NPAS3: variants seen among roughly 807,000 people sequenced by gnomAD.
NPAS3 encodes neuronal PAS domain protein 3, also known as neuronal PAS domain-containing protein 3.
A neutral mutation model predicts 73.1 loss-of-function variants in NPAS3; 14 were observed. The ratio of observed to expected loss-of-function variants is 0.19; its 90% CI spans 0.13 to 0.30. The LOEUF (loss-of-function observed/expected upper bound fraction) is 0.30. NPAS3 is among the 10% of genes least tolerant of loss of function. The probability of loss-of-function intolerance (pLI) is 1.00; values close to 1 mark genes in which losing one functional copy is unlikely to be tolerated. For synonymous variants in NPAS3, 620 were observed against 541.5 expected (o/e 1.14, Z -2.01); for missense variants, 1,096 against 1,250.0 (o/e 0.88, Z 1.86).
At chr14:33,174,550 T>G (rs989801316) in intron 2 of NPAS3, among the ~76,000 whole-genome samples, 5 of 152,230 alleles carry the variant, frequency 3.3e-5, no homozygotes, top group African/African-American at 1.2e-4. Flanking sequence ...CATTTTAACA[T>G]GTGGGTCCAG....
chr14:33,535,917 C>T (rs1283904405), intron 4 of NPAS3, among the ~76,000 whole-genome samples: 1 of 152,134 alleles, frequency 6.6e-6, no homozygotes, highest in Non-Finnish European at 1.5e-5. Flanking sequence ...CTGCCCTATC[C>T]CTCTGTGACT....
chr14:32,962,569 C>CTTTTTTTTTTTTTTTTTTTTTTTTTTTT (rs71432096), intron 1 of NPAS3, among the ~76,000 whole-genome samples: 7 of 110,610 alleles, frequency 6.3e-5, no homozygotes, highest in Non-Finnish European at 1.1e-4. Context: ...TTTTTCTTTT[C>CTTTTTTTTTTTTTTTTTTTTTTTTTTTT]TTTTTTTTTT....
At chr14:33,174,705 G>A (rs1170533772) in intron 2 of NPAS3, among the ~76,000 whole-genome samples, 1 of 152,134 alleles carries the variant, frequency 6.6e-6, no homozygotes, top group Non-Finnish European at 1.5e-5. Flanking sequence ...AGGCTAAATG[G>A]AGATTCTTGA....
intron 7 of NPAS3, among the ~76,000 whole-genome samples, chr14:33,740,088 T>C (rs1363256257): frequency 6.6e-6 from 1 of 152,204 alleles, no homozygotes; most frequent in Non-Finnish European, 1.5e-5. Context: ...AAGCTATTAA[T>C]AGTACCTAAA....
At chr14:33,579,382 C>A (rs1294175999) in intron 5 of NPAS3, among the ~76,000 whole-genome samples, 2 of 152,150 alleles carry the variant, frequency 1.3e-5, no homozygotes, top group African/African-American at 4.8e-5. Flanking sequence ...TTGGGATGGG[C>A]AGTTGAATGA....
chr14:33,339,998 T>A (rs191452806), intron 3 of NPAS3, among the ~76,000 whole-genome samples: 1 of 152,334 alleles, frequency 6.6e-6, no homozygotes, highest in Non-Finnish European at 1.5e-5. Context: ...GTTTAACTAT[T>A]TTCTTTCCAT....
chr14:33,328,693 G>A (rs994331020), intron 3 of NPAS3, among the ~76,000 whole-genome samples: 8 of 151,694 alleles, frequency 5.3e-5, no homozygotes, highest in Non-Finnish European at 8.8e-5. Flanking sequence ...TCCTGACCAC[G>A]TGATCCTCCC....
At chr14:33,145,134 T>C (rs552843218) in intron 2 of NPAS3, among the ~76,000 whole-genome samples, 1 of 152,362 alleles carries the variant, frequency 6.6e-6, no homozygotes, top group Non-Finnish European at 1.5e-5. Context: ...TGGTTTATTC[T>C]ACAGAGAGGT....
chr14:33,750,695 A>G (rs552307865), intron 7 of NPAS3, among the ~76,000 whole-genome samples: 2 of 152,318 alleles, frequency 1.3e-5, no homozygotes, highest in East Asian at 3.9e-4. Flanking sequence ...CATGTGGTCA[A>G]TACTGATTGT....
chr14:33,071,956 C>G (rs2041500292), intron 2 of NPAS3, among the ~76,000 whole-genome samples: 1 of 151,980 alleles, frequency 6.6e-6, no homozygotes, highest in Admixed American at 6.6e-5. Context: ...ATTGGTGCAA[C>G]CTCAGCTCAC....
chr14:33,212,209 A>G (rs1320203472), intron 2 of NPAS3, among the ~76,000 whole-genome samples: 4 of 152,184 alleles, frequency 2.6e-5, no homozygotes, highest in Admixed American at 6.5e-5. Flanking sequence ...CAGCATCTCA[A>G]CAACCTTTAT....
At chr14:33,277,592 G>C (rs1010093229) in intron 3 of NPAS3, among the ~76,000 whole-genome samples, 6 of 152,152 alleles carry the variant, frequency 3.9e-5, no homozygotes, top group African/African-American at 1.4e-4. Flanking sequence ...CAAATGTTTA[G>C]CTTCTCTGAG....
intron 4 of NPAS3, among the ~76,000 whole-genome samples, chr14:33,446,139 A>G (rs1344347464): frequency 1.4e-5 from 2 of 142,822 alleles, no homozygotes; most frequent in African/African-American, 2.6e-5. Flanking sequence ...TATTTTTTCC[A>G]TCTTCTCTAG....
chr14:33,625,090 A>G (rs942801558), intron 5 of NPAS3, among the ~76,000 whole-genome samples: 11 of 152,218 alleles, frequency 7.2e-5, no homozygotes, highest in Non-Finnish European at 1.6e-4. Flanking sequence ...AACATAAATA[A>G]TGTGCCAACA....
chr14:33,176,303 A>C (rs1240951399), intron 2 of NPAS3, among the ~76,000 whole-genome samples: 2 of 152,182 alleles, frequency 1.3e-5, no homozygotes, highest in Non-Finnish European at 2.9e-5. Context: ...TGCAGCCATC[A>C]CCACTATTTT....
intron 2 of NPAS3, among the ~76,000 whole-genome samples, chr14:33,157,860 G>C (rs1421799850): frequency 6.6e-6 from 1 of 152,220 alleles, no homozygotes; most frequent in East Asian, 1.9e-4. Context: ...TGTGAGATGG[G>C]GATGTCAATA....
chr14:33,047,804 A>G lies in NPAS3; in HGVS notation c.51-8101A>G, dbSNP rs543549946. Among the ~76,000 whole-genome samples the G allele has an allele frequency of 5.3e-5, 8 of 152,232 alleles. No homozygotes were observed. The South Asian group carries it at 1.0e-3, about 20-fold the overall frequency. On this transcript the variant is annotated intron_variant, in intron 1 of 11. Transcript: ENST00000356141. ...CTCGGTCACTACTTTTCTGGTTGCA[A>G]TCTGCATGCCTCTCCACCTTCCTGA...
intron 3 of NPAS3, among the ~76,000 whole-genome samples, chr14:33,325,439 A>C (rs1489555611): frequency 1.3e-5 from 2 of 152,114 alleles, no homozygotes; most frequent in East Asian, 3.9e-4. Context: ...TGAAGTCAGG[A>C]TTTCGAGGCC....
At chr14:33,543,947 A>ATATATATATATATATC in intron 4 of NPAS3, among the ~76,000 whole-genome samples, 1 of 700 alleles carries the variant, frequency 1.4e-3, no homozygotes, top group African/African-American at 4.7e-3. Context: ...GGCAAAGTGC[A>ATATATATATATATATC]TATATATATA....
Sources: allele counts gnomAD v4.1 joint callset (sites outside exome capture counted in the v4.1 genomes callset), GRCh38; gene constraint gnomAD v4.1.1; transcripts MANE v1.5; gene names NCBI Gene and HGNC (gene_info 2026-07-23, HGNC 2026-07-21).